SH3BGR: variants seen among roughly 807,000 people sequenced by gnomAD.
SH3BGR encodes SH3 domain-binding glutamic acid-rich protein.
SH3BGR carries 29 observed loss-of-function variants against 24.5 expected under a neutral mutation model. The ratio of observed to expected loss-of-function variants is 1.18; its 90% CI spans 0.88 to 1.61. The LOEUF (loss-of-function observed/expected upper bound fraction) is 1.61, where lower values mean the gene tolerates loss of function less well. Among genes scored for constraint, SH3BGR ranks in the 40% most tolerant of loss-of-function variants. SH3BGR has a pLI of 0.00. For synonymous variants in SH3BGR, 55 were observed against 65.7 expected (o/e 0.84, Z 0.79); for missense variants, 162 against 205.8 (o/e 0.79, Z 1.30).
chr21:39,482,296 GAAAT>G (rs1182786536), intron 3 of SH3BGR, among the ~76,000 whole-genome samples: 2 of 152,158 alleles, frequency 1.3e-5, no homozygotes, highest in African/African-American at 2.4e-5. Context: ...TGTCATGAAA[GAAAT>G]AAATAAAAAG....
At chr21:39,446,421 C>T (rs1381979573) in intron 1 of SH3BGR, among the ~76,000 whole-genome samples, 2 of 152,136 alleles carry the variant, frequency 1.3e-5, no homozygotes, top group East Asian at 3.8e-4. Flanking sequence ...TCTTTGAGGT[C>T]ACCCCTGACT....
At chr21:39,504,409 C>G (rs1287543523) in intron 4 of SH3BGR, among the ~76,000 whole-genome samples, 1 of 152,184 alleles carries the variant, frequency 6.6e-6, no homozygotes, top group African/African-American at 2.4e-5. Flanking sequence ...CCTTCACTAT[C>G]TCCCACACCT....
At chr21:39,449,441 C>T (rs190862821), upstream of SH3BGR, among the ~76,000 whole-genome samples, 4 of 152,294 alleles carry the variant, frequency 2.6e-5, no homozygotes, top group South Asian at 6.2e-4. Flanking sequence ...CTAAATTATA[C>T]ACCTTCTTTC....
At chr21:39,491,765 A>T in intron 3 of SH3BGR, 1 of 218,326 alleles carries the variant, frequency 4.6e-6, no homozygotes, top group Non-Finnish European at 9.6e-6. Context: ...TGTGGCCTCC[A>T]CTTTGTTTCA....
intron 3 of SH3BGR, among the ~76,000 whole-genome samples, chr21:39,493,946 T>A (rs1477704690): frequency 4.6e-5 from 7 of 152,190 alleles, no homozygotes; most frequent in Non-Finnish European, 1.0e-4. Flanking sequence ...GCTACTGATT[T>A]GTGTACATTA....
intron 1 of SH3BGR, among the ~76,000 whole-genome samples, chr21:39,460,626 C>T (rs1180303004): frequency 6.6e-6 from 1 of 151,936 alleles, no homozygotes; most frequent in East Asian, 1.9e-4. Flanking sequence ...CATGCCACCA[C>T]GCCCGGGTAA....
At position 39,511,581 on chromosome 21, in the gene SH3BGR, G is replaced by T. The variant is rs1023337736; in HGVS notation, c.436-99G>T. ...TTTGTGTGTTGTGTGGTGGGGTGTGGGAGGCTTTGACCTCTAGTCCAGCAT... is the reference window on the plus strand; with the variant it reads ...TTTGTGTGTTGTGTGGTGGGGTGTGTGAGGCTTTGACCTCTAGTCCAGCAT... On this transcript the variant is annotated intron_variant, in intron 5 of 6. Coordinates refer to ENST00000333634, the MANE Select transcript of SH3BGR (RefSeq NM_007341.3). This position sits in a 1 kb window ranked among gnomAD's most constrained non-coding sequence, Gnocchi z 4.2. 1.8e-6 allele frequency: 2 copies of T among 1,142,652 alleles called. No individual in the cohort carries two copies. Among genetic ancestry groups the T allele is most frequent in the Non-Finnish European group, 2.5e-6 (2 of 794,768 alleles). 70.8% of individuals were successfully genotyped at this position (1,142,652 alleles called of 1,614,324 possible).
intron 3 of SH3BGR, among the ~76,000 whole-genome samples, chr21:39,485,814 C>T (rs964686441): frequency 5.9e-5 from 9 of 151,882 alleles, no homozygotes; most frequent in East Asian, 1.9e-4. Flanking sequence ...CAGCCTCCTG[C>T]GTAGCTGGGA....
At chr21:39,455,431 G>A (rs114115530) in intron 1 of SH3BGR, among the ~76,000 whole-genome samples, 1 of 152,186 alleles carries the variant, frequency 6.6e-6, no homozygotes, top group African/African-American at 2.4e-5. Flanking sequence ...AGGGGGAGAG[G>A]TGAAGAGTAG....
chr21:39,462,536 C>A lies in SH3BGR; in HGVS notation c.207C>A (p.Ile69=). 1.9e-6 allele frequency: 3 copies of A among 1,600,444 alleles called. No homozygotes were observed. The South Asian group carries it at 3.4e-5, about 18-fold the overall frequency. The change falls in exon 2 of 7, where the codon ATC becomes ATA. Residue 69 remains isoleucine, a synonymous_variant. Coordinates refer to ENST00000333634, the MANE Select transcript of SH3BGR (RefSeq NM_007341.3). ...PQNGIPLPPQ[I]FNEEQYCGDF... is the part of the protein sequence containing the mutation. The stretch of plus-strand genomic sequence containing the variant: ...ATGGGATTCCTTTGCCTCCCCAGAT[C>A]TTCAATGAGGAGCAGTACTGTGGGG...
intron 1 of SH3BGR, among the ~76,000 whole-genome samples, chr21:39,460,757 C>T (rs950776281): frequency 9.2e-5 from 14 of 152,020 alleles, no homozygotes; most frequent in African/African-American, 1.2e-4. Context: ...TGTGAGCCAC[C>T]GCACCCAGCC....
At chr21:39,462,035 G>A (rs1253871627) in intron 1 of SH3BGR, among the ~76,000 whole-genome samples, 4 of 152,094 alleles carry the variant, frequency 2.6e-5, no homozygotes, top group East Asian at 3.9e-4. Context: ...TTTTAGTAGA[G>A]ACAAGGTTTC....
At chr21:39,492,312 T>C (rs1314388893) in intron 3 of SH3BGR, among the ~76,000 whole-genome samples, 2 of 152,132 alleles carry the variant, frequency 1.3e-5, no homozygotes, top group East Asian at 3.9e-4. Context: ...GCTCCCACTT[T>C]TGAGTGAGAA....
At chr21:39,506,653 C>A (rs963485893) in intron 4 of SH3BGR, among the ~76,000 whole-genome samples, 2 of 152,158 alleles carry the variant, frequency 1.3e-5, no homozygotes, top group African/African-American at 4.8e-5. Context: ...AGACTTACTA[C>A]CACAAGAACA....
At chr21:39,492,832 G>GTA (rs2078327579) in intron 3 of SH3BGR, among the ~76,000 whole-genome samples, 1 of 151,948 alleles carries the variant, frequency 6.6e-6, no homozygotes, top group Non-Finnish European at 1.5e-5. Flanking sequence ...GAGTAAGGTG[G>GTA]TATCACATTG....
intron 1 of SH3BGR, among the ~76,000 whole-genome samples, chr21:39,459,361 A>C (rs1222918242): frequency 6.6e-6 from 1 of 151,898 alleles, no homozygotes; most frequent in Admixed American, 6.6e-5. Context: ...AGTAGCTTGC[A>C]CTACAGGTGC....
intron 3 of SH3BGR, among the ~76,000 whole-genome samples, chr21:39,477,122 T>C (rs1317637485): frequency 6.6e-6 from 1 of 152,212 alleles, no homozygotes; most frequent in Non-Finnish European, 1.5e-5. Context: ...TTTAAAACTT[T>C]TGTCTGATAC....
At chr21:39,513,222 A>C (rs930642599) in intron 6 of SH3BGR, among the ~76,000 whole-genome samples, 10 of 152,210 alleles carry the variant, frequency 6.6e-5, no homozygotes, top group Admixed American at 5.9e-4. Context: ...CTGACTTGTC[A>C]AAGATACCTA....
At chr21:39,479,416 A>G (rs1490912204) in intron 3 of SH3BGR, among the ~76,000 whole-genome samples, 14 of 116,164 alleles carry the variant, frequency 1.2e-4, no homozygotes, top group East Asian at 2.7e-4. Context: ...TGATGGTGGT[A>G]GTGGTGGTGA....
Sources: gnomAD v4.1 joint callset for allele counts (sites outside exome capture counted in the v4.1 genomes callset) on GRCh38, gnomAD v4.1.1 for gene constraint, Gnocchi (gnomAD v3.1) non-coding constraint, MANE v1.5 for transcripts, NCBI Gene and HGNC (gene_info 2026-07-23, HGNC 2026-07-21) for gene names.